Variants in NREP observed in about 807,000 individuals in gnomAD.
NREP encodes the protein neuronal regeneration related protein.
Under a neutral mutation model 8.6 loss-of-function variants are expected in NREP, and 5 were observed. The ratio of observed to expected loss-of-function variants is 0.58; its 90% CI spans 0.30 to 1.22. The LOEUF (loss-of-function observed/expected upper bound fraction) is 1.22, where lower values mean the gene tolerates loss of function less well. NREP is among the 50% of genes most tolerant of loss of function. The pLI is 0.07. For missense variants in NREP, 86 were observed against 82.5 expected, an observed-to-expected ratio of 1.04 and a Z score of -0.17; for synonymous variants, 27 against 28.0, an observed-to-expected ratio of 0.96 and a Z score of 0.11.
intron 2 of NREP, among the ~76,000 whole-genome samples, chr5:111,952,904 G>A (rs528487171): frequency 6.6e-4 from 101 of 152,020 alleles, no homozygotes; most frequent in Non-Finnish European, 1.1e-3. Context: ...TGAAAGGGAG[G>A]ACTCTTCACT....
At chr5:111,752,262 C>T (rs1276407185) in intron 2 of NREP, among the ~76,000 whole-genome samples, 1 of 152,166 alleles carries the variant, frequency 6.6e-6, no homozygotes, top group Non-Finnish European at 1.5e-5. Flanking sequence ...CCTTTTCCTA[C>T]CTGAATTATC....
intron 2 of NREP, among the ~76,000 whole-genome samples, chr5:111,785,808 A>C (rs1751595802): frequency 6.6e-6 from 1 of 152,106 alleles, no homozygotes; most frequent in South Asian, 2.1e-4. Context: ...AGGATGAGAA[A>C]GGCAACAATG....
intron 2 of NREP, among the ~76,000 whole-genome samples, chr5:111,947,253 A>G (rs1421664376): frequency 1.3e-5 from 2 of 152,074 alleles, no homozygotes; most frequent in Non-Finnish European, 2.9e-5. Context: ...GAGATCCTAC[A>G]TACTAAACTT....
intron 2 of NREP, among the ~76,000 whole-genome samples, chr5:111,804,161 A>G (rs1752081773): frequency 6.6e-6 from 1 of 152,214 alleles, no homozygotes; most frequent in South Asian, 2.1e-4. Context: ...TCAGAATTAA[A>G]ATAGTGTGGT....
intron 2 of NREP, among the ~76,000 whole-genome samples, chr5:111,862,660 C>T (rs1053719508): frequency 2.0e-5 from 3 of 151,990 alleles, no homozygotes; most frequent in East Asian, 1.9e-4. Flanking sequence ...ACTTTTATCA[C>T]GTAACTCTTG....
intron 2 of NREP, among the ~76,000 whole-genome samples, chr5:111,958,362 A>C (rs1019383850): frequency 3.9e-5 from 6 of 151,972 alleles, no homozygotes; most frequent in African/African-American, 1.4e-4. Flanking sequence ...ATGAGATATA[A>C]AGATGAGAAA....
chr5:111,925,769 T>G (rs944270527), intron 2 of NREP, among the ~76,000 whole-genome samples: 2 of 152,192 alleles, frequency 1.3e-5, no homozygotes, highest in Admixed American at 1.3e-4. Context: ...CAGTTTTTCA[T>G]AGGCCCTCCA....
At chr5:111,848,764 C>T (rs185250720) in intron 2 of NREP, among the ~76,000 whole-genome samples, 1 of 152,058 alleles carries the variant, frequency 6.6e-6, no homozygotes, top group East Asian at 1.9e-4. Context: ...GAATGCCATG[C>T]TTTAATGTTC....
intron 2 of NREP, among the ~76,000 whole-genome samples, chr5:111,872,528 G>A (rs897063112): frequency 1.3e-5 from 2 of 152,094 alleles, no homozygotes; most frequent in African/African-American, 4.8e-5. Flanking sequence ...TGATCTTTAG[G>A]AAGTCCGATG....
intron 2 of NREP, among the ~76,000 whole-genome samples, chr5:111,784,221 AT>A (rs939512821): frequency 9.2e-5 from 14 of 151,552 alleles, no homozygotes; most frequent in East Asian, 7.7e-4. Flanking sequence ...AGGATATTGG[AT>A]TTTTTTTTAA....
intron 2 of NREP, among the ~76,000 whole-genome samples, chr5:111,941,868 C>T (rs1209358379): frequency 1.3e-5 from 2 of 152,058 alleles, no homozygotes; most frequent in Non-Finnish European, 2.9e-5. Flanking sequence ...AGCTTATTTA[C>T]AACTATGTCT....
At chr5:111,781,957 G>T (rs1462900770) in intron 2 of NREP, among the ~76,000 whole-genome samples, 1 of 152,090 alleles carries the variant, frequency 6.6e-6, no homozygotes, top group Non-Finnish European at 1.5e-5. Context: ...ATTTACTCTG[G>T]TTTTTGCCTC....
intron 2 of NREP, among the ~76,000 whole-genome samples, chr5:111,950,871 G>C (rs1203883139): frequency 1.3e-5 from 2 of 152,002 alleles, no homozygotes; most frequent in African/African-American, 4.8e-5. Flanking sequence ...CTAGGAAATA[G>C]TATGAGTACT....
chr5:111,915,034 T>C (rs989508149), intron 2 of NREP, among the ~76,000 whole-genome samples: 1 of 152,126 alleles, frequency 6.6e-6, no homozygotes, highest in Non-Finnish European at 1.5e-5. Flanking sequence ...CCAGATGCCC[T>C]CTGAATCCCT....
chr5:111,832,715 A>G (rs1235460124), intron 2 of NREP, among the ~76,000 whole-genome samples: 6 of 152,358 alleles, frequency 3.9e-5, no homozygotes, highest in Admixed American at 3.3e-4. Flanking sequence ...TCTTAGAAAC[A>G]ACAGGGGAAG....
At chr5:111,798,305 G>T (rs1751917561) in intron 2 of NREP, among the ~76,000 whole-genome samples, 1 of 152,102 alleles carries the variant, frequency 6.6e-6, no homozygotes, top group Non-Finnish European at 1.5e-5. Flanking sequence ...TTTGGAAATT[G>T]ACTTTTTCTA....
intron 2 of NREP, among the ~76,000 whole-genome samples, chr5:111,824,831 G>A (rs1752585964): frequency 6.6e-6 from 1 of 152,182 alleles, no homozygotes; most frequent in Admixed American, 6.5e-5. Context: ...AGCCTTGAGT[G>A]CATAGGTGTA....
chr5:111,950,178 A>G (rs1756114712), intron 2 of NREP, among the ~76,000 whole-genome samples: 1 of 151,930 alleles, frequency 6.6e-6, no homozygotes, highest in African/African-American at 2.4e-5. Context: ...CATTTCTCTA[A>G]TGACCAGTGA....
chr5:111,924,596 C>T (rs1755332869), intron 2 of NREP, among the ~76,000 whole-genome samples: 1 of 152,168 alleles, frequency 6.6e-6, no homozygotes, highest in African/African-American at 2.4e-5. Flanking sequence ...AGGTCCTGAA[C>T]TAGTCCCCAT....
Sources: gnomAD v4.1 joint callset for allele counts (sites outside exome capture counted in the v4.1 genomes callset) on GRCh38, gnomAD v4.1.1 for gene constraint, MANE v1.5 for transcripts, NCBI Gene and HGNC (gene_info 2026-07-23, HGNC 2026-07-21) for gene names.